RPTOR: variants seen among roughly 807,000 people sequenced by gnomAD.
The protein encoded by RPTOR is regulatory-associated protein of mTOR.
In RPTOR, 21 loss-of-function variants were observed where a neutral mutation model predicts 169.9. The observed-to-expected ratio is 0.12, with a 90% confidence interval of 0.09 to 0.18. The LOEUF is 0.18. RPTOR is among the 10% of genes least tolerant of loss of function. The probability of loss-of-function intolerance (pLI) is 1.00; values close to 1 mark genes in which losing one functional copy is unlikely to be tolerated. For synonymous variants in RPTOR, 732 were observed against 753.2 expected (o/e 0.97, Z 0.46); for missense variants, 1,133 against 1,855.9 (o/e 0.61, Z 7.16).
chr17:80,842,483 G>A (rs565082017), intron 10 of RPTOR, among the ~76,000 whole-genome samples: 12 of 152,204 alleles, frequency 7.9e-5, no homozygotes, highest in Admixed American at 3.9e-4. Context: ...CCCATATTCA[G>A]CTTTAACAGA....
rs909099056 is a variant in RPTOR, at chr17:80,858,992, A to C, written c.1509+1092A>C. Among the ~76,000 whole-genome samples, 29 of 152,146 alleles carry C rather than the reference A, an allele frequency of 1.9e-4. 1 individual carries two copies. The highest frequency in any genetic ancestry group is 1.9e-3 in the Admixed American group (29 of 15,286). On this transcript the variant is annotated intron_variant, in intron 13 of 33. Coordinates refer to ENST00000306801, the MANE Select transcript of RPTOR (RefSeq NM_020761.3). ...GATTGTAGGGAAACACGGGGTGGAG[A>C]GCATTTTCCTCCAGGAGGGTGGGCA...
At chr17:80,607,381 A>G (rs557558801) in intron 1 of RPTOR, among the ~76,000 whole-genome samples, 87 of 152,282 alleles carry the variant, frequency 5.7e-4, no homozygotes, top group South Asian at 2.7e-3. Flanking sequence ...AGTGGTTTTA[A>G]TGTCATGTAT....
chr17:80,838,165 A>G (rs528268954), intron 10 of RPTOR, among the ~76,000 whole-genome samples, 168 bp downstream of exon 10: 160 of 152,332 alleles, frequency 1.1e-3, no homozygotes, highest in African/African-American at 3.6e-3. Flanking sequence ...CATCGAGTCA[A>G]CCAGGGTTTA....
chr17:80,920,698 T>G (rs987679629), intron 21 of RPTOR, among the ~76,000 whole-genome samples: 3 of 152,274 alleles, frequency 2.0e-5, no homozygotes, highest in Non-Finnish European at 4.4e-5. Context: ...CAGCAGCGCC[T>G]GAGCCTTTGT....
intron 17 of RPTOR, among the ~76,000 whole-genome samples, chr17:80,887,748 T>C (rs1447933922): frequency 6.6e-6 from 1 of 152,210 alleles, no homozygotes; most frequent in Non-Finnish European, 1.5e-5. Context: ...TACTTTTTAA[T>C]AATAAAAGTG....
intron 20 of RPTOR, among the ~76,000 whole-genome samples, chr17:80,900,072 C>T (rs144772951): frequency 5.3e-5 from 8 of 152,276 alleles, no homozygotes; most frequent in African/African-American, 1.7e-4. Flanking sequence ...TGGGCATCTC[C>T]CACCCCTCCC....
At chr17:80,687,087 G>C (rs115090841) in intron 3 of RPTOR, among the ~76,000 whole-genome samples, 132 of 152,312 alleles carry the variant, frequency 8.7e-4, no homozygotes, top group African/African-American at 2.9e-3. Flanking sequence ...TTGTGGTCAG[G>C]GTTTTTGCAG....
At chr17:80,917,239 T>C (rs1051267806) in intron 21 of RPTOR, among the ~76,000 whole-genome samples, 1 of 130,378 alleles carries the variant, frequency 7.7e-6, no homozygotes, top group Non-Finnish European at 1.7e-5. Flanking sequence ...CGGCTTCCCA[T>C]GTAGCTGGGA....
intron 17 of RPTOR, among the ~76,000 whole-genome samples, chr17:80,887,405 G>T (rs2143852350): frequency 6.6e-6 from 1 of 151,930 alleles, no homozygotes; most frequent in East Asian, 1.9e-4. Flanking sequence ...GACTCCAGGG[G>T]TGCGCCTCCA....
intron 11 of RPTOR, among the ~76,000 whole-genome samples, chr17:80,853,964 G>T (rs1598354651): frequency 6.6e-6 from 1 of 151,174 alleles, no homozygotes; most frequent in Non-Finnish European, 1.5e-5. Flanking sequence ...CTGGGCGACC[G>T]AGTGAGACTC....
intron 20 of RPTOR, among the ~76,000 whole-genome samples, chr17:80,904,705 C>T (rs1245808496): frequency 1.3e-5 from 2 of 152,150 alleles, no homozygotes; most frequent in Non-Finnish European, 2.9e-5. Flanking sequence ...TCCTGGTGGA[C>T]TCGAATCCGA....
rs914413514 is a variant in RPTOR at position 80,665,527 on chromosome 17, G to T, written c.348+21717G>T. On this transcript the variant is annotated intron_variant, in intron 3 of 33. Transcript: ENST00000306801. Reference sequence around the variant, plus strand: ...CCATGTCCTTTCCTTTCCTTTCCATGTCCTTTCCTTTCCTTTTCCTTTCCC... The same window carrying T: ...CCATGTCCTTTCCTTTCCTTTCCATTTCCTTTCCTTTCCTTTTCCTTTCCC... Among the ~76,000 whole-genome samples the T allele has an allele frequency of 4.1e-4, 17 of 41,374 alleles. 3 individuals carry two copies. The East Asian group carries it at 0.01, about 25-fold the overall frequency. 27.1% of individuals were successfully genotyped at this position (41,374 alleles called of 152,430 possible).
chr17:80,889,099 G>A (rs1009274398), intron 17 of RPTOR, among the ~76,000 whole-genome samples: 1 of 152,238 alleles, frequency 6.6e-6, no homozygotes, highest in Non-Finnish European at 1.5e-5. Context: ...CGCTCGCCCA[G>A]CTGCAGGGAC....
At chr17:80,961,206 C>T (rs2069335103) in intron 30 of RPTOR, among the ~76,000 whole-genome samples, 188 bp from the exon 31 acceptor site, 2 of 152,226 alleles carry the variant, frequency 1.3e-5, no homozygotes, top group Admixed American at 6.5e-5. Flanking sequence ...CAGGGGGTCT[C>T]TGCTGGAGCA....
At chr17:80,634,656 G>GTGTGTGCA (rs2065485509) in intron 2 of RPTOR, among the ~76,000 whole-genome samples, 1 of 104,472 alleles carries the variant, frequency 9.6e-6, no homozygotes, top group Non-Finnish European at 2.0e-5. Context: ...CTGTATGTGC[G>GTGTGTGCA]TACTGTGTGT....
intron 3 of RPTOR, among the ~76,000 whole-genome samples, chr17:80,706,766 TG>T (rs2066145186): frequency 6.6e-6 from 1 of 152,164 alleles, no homozygotes; most frequent in African/African-American, 2.4e-5. Flanking sequence ...CTTAGCTCCT[TG>T]GGGTATTTAC....
intron 10 of RPTOR, among the ~76,000 whole-genome samples, chr17:80,843,585 A>G (rs998662027): frequency 5.9e-5 from 9 of 152,058 alleles, no homozygotes; most frequent in Admixed American, 4.6e-4. Flanking sequence ...ACAGAGCCGT[A>G]CAGGGGGGTA....
At chr17:80,704,269 C>T (rs931635111) in intron 3 of RPTOR, among the ~76,000 whole-genome samples, 2 of 152,120 alleles carry the variant, frequency 1.3e-5, no homozygotes, top group Non-Finnish European at 2.9e-5. Context: ...AAAATGTTTC[C>T]TTCTTTGCCC....
chr17:80,617,918 A>G (rs999484798), intron 1 of RPTOR, among the ~76,000 whole-genome samples: 1 of 152,192 alleles, frequency 6.6e-6, no homozygotes, highest in African/African-American at 2.4e-5. Flanking sequence ...TTTTGGAGGA[A>G]CCACAAAAGG....
Sources: allele counts gnomAD v4.1 joint callset (sites outside exome capture counted in the v4.1 genomes callset), GRCh38; gene constraint gnomAD v4.1.1; transcripts MANE v1.5; gene names NCBI Gene and HGNC (gene_info 2026-07-23, HGNC 2026-07-21).